The following KCNQ1OT1 variants were observed in gnomAD, a reference collection of about 807,000 sequenced individuals.
KCNQ1OT1 encodes the protein KCNQ1 opposite strand/antisense transcript 1.
rs1002524946 is a variant in KCNQ1OT1 at position 2,695,403 on chromosome 11, A to T, written n.4592T>A. On this transcript the variant is annotated non_coding_transcript_exon_variant, in exon 1 of 1. Coordinates refer to ENST00000597346, the Ensembl canonical transcript of KCNQ1OT1. This position sits in a 1 kb window ranked among gnomAD's most constrained non-coding sequence, Gnocchi z 5.2. Reference sequence around the variant, plus strand: ...GGTGGTGTGTAATTTTAATTTAAATACACAGTCATGTACTGAGGCCCTCTT... The same window carrying T: ...GGTGGTGTGTAATTTTAATTTAAATTCACAGTCATGTACTGAGGCCCTCTT... 1 of 398,446 alleles carries T rather than the reference A, an allele frequency of 2.5e-6. No homozygotes were observed. The highest frequency in any genetic ancestry group is 2.1e-5 in the African/African-American group (1 of 48,600). The allele number at this position is 398,446 out of a possible 1,614,324, so 24.7% of individuals were successfully genotyped here. A position where few individuals can be genotyped will look rare whatever the true frequency, so the allele number is the denominator to read the frequency against.
At position 2,659,926 on chromosome 11, in the gene KCNQ1OT1, T is replaced by C. The variant is rs950959198; in HGVS notation, n.40069A>G. On this transcript the variant is annotated non_coding_transcript_exon_variant, in exon 1 of 1. Coordinates refer to ENST00000597346, the Ensembl canonical transcript of KCNQ1OT1. The surrounding 1 kb of genome is among the most constrained non-coding windows in gnomAD (Gnocchi z 4.3). ...TGTCAAGTTGTAAGCATTCTTTATATATTCTGAGTGCAAGTCCTTGACCTG... is the reference window on the plus strand; with the variant it reads ...TGTCAAGTTGTAAGCATTCTTTATACATTCTGAGTGCAAGTCCTTGACCTG... 2.5e-6 allele frequency: 1 copy of C among 398,486 alleles called. No homozygotes were observed. Among genetic ancestry groups the C allele is most frequent in the Non-Finnish European group, 4.4e-6 (1 of 226,000 alleles). 24.7% of individuals were successfully genotyped at this position (398,486 alleles called of 1,614,324 possible). A position where few individuals can be genotyped will look rare whatever the true frequency, so the allele number is the denominator to read the frequency against.
chr11:2,668,794 C>A lies in KCNQ1OT1; in HGVS notation n.31201G>T, dbSNP rs1850129693. ...TGGTGTCTTTTGATGAACAGAAGGT[C>A]TTAATTTTCATGTGGTCCAGTTAAT... On this transcript the variant is annotated non_coding_transcript_exon_variant, in exon 1 of 1. Coordinates refer to ENST00000597346, the Ensembl canonical transcript of KCNQ1OT1. This position sits in a 1 kb window ranked among gnomAD's most constrained non-coding sequence, Gnocchi z 4.3. 1 of 398,558 alleles carries A rather than the reference C, an allele frequency of 2.5e-6. No homozygotes were observed. The highest frequency in any genetic ancestry group is 1.3e-4 in the South Asian group (1 of 7,842). The allele number at this position is 398,558 out of a possible 1,614,324, so 24.7% of individuals were successfully genotyped here.
exon 1 of KCNQ1OT1, chr11:2,636,418 C>A (rs1450444901): frequency 2.0e-5 from 3 of 152,006 alleles, no homozygotes; most frequent in Non-Finnish European, 4.4e-5. Context: ...TTGTCAAAGG[C>A]CTTTTCTGCA....
chr11:2,688,360 G>T (rs1041414201), exon 1 of KCNQ1OT1: 1 of 398,748 alleles, frequency 2.5e-6, no homozygotes, highest in Non-Finnish European at 4.4e-6. Flanking sequence ...CGTGTCTGGG[G>T]AACTTCCCCG....
chr11:2,685,092 A>G (rs1465564606), exon 1 of KCNQ1OT1: 1 of 398,648 alleles, frequency 2.5e-6, no homozygotes, highest in Non-Finnish European at 4.4e-6. Context: ...GATTCCAGGG[A>G]AGGGGCCCTT....
chr11:2,665,524 C>A, exon 1 of KCNQ1OT1: 1 of 393,762 alleles, frequency 2.5e-6, no homozygotes, highest in Non-Finnish European at 4.4e-6. Context: ...AACCTGCCAT[C>A]TAGAATGCCC....
At chr11:2,640,785 C>A in exon 1 of KCNQ1OT1, 1 of 398,480 alleles carries the variant, frequency 2.5e-6, no homozygotes. Flanking sequence ...TTTATTCTAA[C>A]TAGCTGTGTA....
At chr11:2,635,453 T>G (rs1405306877) in exon 1 of KCNQ1OT1, 4 of 152,190 alleles carry the variant, frequency 2.6e-5, no homozygotes, top group Admixed American at 6.5e-5. Context: ...TTTCCCCATT[T>G]CTTGTTTCTG....
chr11:2,610,210 A>G, exon 1 of KCNQ1OT1: 2 of 397,800 alleles, frequency 5.0e-6, no homozygotes, highest in East Asian at 7.2e-5. Context: ...TACCTTATGT[A>G]TCGTCTCAAA....
rs1365442766 is a variant in KCNQ1OT1 at position 2,677,142 on chromosome 11, A to C, written n.22853T>G. On this transcript the variant is annotated non_coding_transcript_exon_variant, in exon 1 of 1. Transcript: ENST00000597346. The surrounding 1 kb of genome is among the most constrained non-coding windows in gnomAD (Gnocchi z 4.5). Reference sequence around the variant, plus strand: ...TCCCTGAAACATCCCTCCCTATTGAACACTGTTGTTTCTCCCTATCCATCT... The same window carrying C: ...TCCCTGAAACATCCCTCCCTATTGACCACTGTTGTTTCTCCCTATCCATCT... 2 of 398,406 alleles carry C rather than the reference A, an allele frequency of 5.0e-6. No individual in the cohort carries two copies. The highest frequency in any genetic ancestry group is 8.8e-6 in the Non-Finnish European group (2 of 226,042). The allele number at this position is 398,406 out of a possible 1,614,324, so 24.7% of individuals were successfully genotyped here.
exon 1 of KCNQ1OT1, chr11:2,667,164 G>GC (rs961089463): frequency 5.0e-6 from 2 of 398,544 alleles, no homozygotes; most frequent in Non-Finnish European, 8.8e-6. Context: ...CCTCAATCTG[G>GC]CTTCCAGCCT....
rs921575784 is a variant in KCNQ1OT1, at chr11:2,617,658, C to T, written n.82337G>A. 7.5e-6 allele frequency: 3 copies of T among 398,288 alleles called. No homozygotes were observed. Among genetic ancestry groups the T allele is most frequent in the Non-Finnish European group, 4.4e-6 (1 of 225,960 alleles). The allele number at this position is 398,288 out of a possible 1,614,324, so 24.7% of individuals were successfully genotyped here. On this transcript the variant is annotated non_coding_transcript_exon_variant, in exon 1 of 1. Transcript: ENST00000597346. The surrounding 1 kb of genome is among the most constrained non-coding windows in gnomAD (Gnocchi z 4.6). The stretch of plus-strand genomic sequence containing the variant: ...ACCATTCTGTTTTTCATTATGACTG[C>T]ACCAATCTACAGTCCCACCAACACT...
exon 1 of KCNQ1OT1, chr11:2,660,292 A>G (rs1849928458): frequency 2.5e-6 from 1 of 398,314 alleles, no homozygotes; most frequent in African/African-American, 2.1e-5. Flanking sequence ...TAAAACTTTT[A>G]CACACATACA....
rs4930006 is a variant in KCNQ1OT1 at position 2,669,423 on chromosome 11, G to T, written n.30572C>A. 23,145 of 398,600 alleles carry T rather than the reference G, an allele frequency of 0.058. 816 individuals carry two copies. Among genetic ancestry groups the T allele is most frequent in the Middle Eastern group, 0.094 (149 of 1,588 alleles). The allele number at this position is 398,600 out of a possible 1,614,324, so 24.7% of individuals were successfully genotyped here. On this transcript the variant is annotated non_coding_transcript_exon_variant, in exon 1 of 1. Transcript: ENST00000597346. The surrounding 1 kb of genome is among the most constrained non-coding windows in gnomAD (Gnocchi z 5.6). ...CATCATGTGTCCCTTGTTTATTTAG[G>T]TTGACTTTCATATCTTTTACCTTGC...
rs1011332279 is a variant in KCNQ1OT1 at position 2,678,114 on chromosome 11, C to G, written n.21881G>C. The G allele has an allele frequency of 2.5e-6, 1 of 398,188 alleles. No individual in the cohort carries two copies. Among genetic ancestry groups the G allele is most frequent in the African/African-American group, 2.1e-5 (1 of 48,610 alleles). 24.7% of individuals were successfully genotyped at this position (398,188 alleles called of 1,614,324 possible). ...TTGTAGAAACTTGCTTTGTCATATT[C>G]ATTGAAAATATTTTATCCTCATTTT... On this transcript the variant is annotated non_coding_transcript_exon_variant, in exon 1 of 1. Transcript: ENST00000597346. The surrounding 1 kb of genome is among the most constrained non-coding windows in gnomAD (Gnocchi z 4.9).
chr11:2,663,153 T>G lies in KCNQ1OT1; in HGVS notation n.36842A>C. ...TCAGACAGGACCTGCCCACTGTCTT[T>G]CCAGGCCCCCCCAGTTCACAGAGAG... On this transcript the variant is annotated non_coding_transcript_exon_variant, in exon 1 of 1. Coordinates refer to ENST00000597346, the Ensembl canonical transcript of KCNQ1OT1. The surrounding 1 kb of genome is among the most constrained non-coding windows in gnomAD (Gnocchi z 5.2). The G allele has an allele frequency of 2.5e-6, 1 of 398,730 alleles. No homozygotes were observed. Among genetic ancestry groups the G allele is most frequent in the Non-Finnish European group, 4.4e-6 (1 of 226,160 alleles). The allele number at this position is 398,730 out of a possible 1,614,324, so 24.7% of individuals were successfully genotyped here. A position where few individuals can be genotyped will look rare whatever the true frequency, so the allele number is the denominator to read the frequency against.
At position 2,698,411 on chromosome 11, in the gene KCNQ1OT1, T is replaced by C; in HGVS notation, n.1584A>G. On this transcript the variant is annotated non_coding_transcript_exon_variant, in exon 1 of 1. Transcript: ENST00000597346. The surrounding 1 kb of genome is among the most constrained non-coding windows in gnomAD (Gnocchi z 5.1). ...GTGGGGTACTGGGATCTGAACATAG[T>C]GGTGGCCCTTCAAGCCTACTACCCA... is the stretch of plus-strand genomic sequence containing the variant. 5.1e-6 allele frequency: 2 copies of C among 395,620 alleles called. No individual in the cohort carries two copies. Among genetic ancestry groups the C allele is most frequent in the Non-Finnish European group, 8.9e-6 (2 of 225,590 alleles). 24.5% of individuals were successfully genotyped at this position (395,620 alleles called of 1,614,324 possible).
Position 2,622,148 on chromosome 11 carries a change from G to A in KCNQ1OT1, n.77847C>T, listed in dbSNP as rs530419891. On this transcript the variant is annotated non_coding_transcript_exon_variant, in exon 1 of 1. Transcript: ENST00000597346. Reference sequence around the variant, plus strand: ...TGACTCTACCCATTACTGAAAGTACGTTATTGAAGTCCCTAAGTATTATTG... The same window carrying A: ...TGACTCTACCCATTACTGAAAGTACATTATTGAAGTCCCTAAGTATTATTG... The A allele has an allele frequency of 4.3e-5, 17 of 398,296 alleles. 1 individual carries two copies. The highest frequency in any genetic ancestry group is 1.4e-4 in the African/African-American group (7 of 48,706). 24.7% of individuals were successfully genotyped at this position (398,296 alleles called of 1,614,324 possible).
At position 2,663,082 on chromosome 11, in the gene KCNQ1OT1, A is replaced by C; in HGVS notation, n.36913T>G. On this transcript the variant is annotated non_coding_transcript_exon_variant, in exon 1 of 1. Transcript: ENST00000597346. The surrounding 1 kb of genome is among the most constrained non-coding windows in gnomAD (Gnocchi z 5.2). ...CTGGCAGGGTTGGGTAGCCAGAATG[A>C]GGCCACCTCCAGGGAAGGAGTGGCT... The C allele has an allele frequency of 2.5e-6, 1 of 398,694 alleles. No individual in the cohort carries two copies. 24.7% of individuals were successfully genotyped at this position (398,694 alleles called of 1,614,324 possible).
Sources: gnomAD v4.1 joint callset for allele counts on GRCh38, gnomAD v4.1.1 for gene constraint, Gnocchi (gnomAD v3.1) non-coding constraint, MANE v1.5 for transcripts, NCBI Gene and HGNC (gene_info 2026-07-23, HGNC 2026-07-21) for gene names.